Variants in FRY observed in about 807,000 individuals in gnomAD.
FRY encodes the protein protein furry homolog.
In FRY, 128 loss-of-function variants were observed where a neutral mutation model predicts 348.4. The ratio of observed to expected loss-of-function variants is 0.37; its 90% CI spans 0.32 to 0.43. The LOEUF (loss-of-function observed/expected upper bound fraction) is 0.43. Ranked by LOEUF, FRY falls within the 20% of genes least tolerant of loss-of-function variation. FRY has a pLI of 1.00. For synonymous variants in FRY, 1,370 were observed against 1,374.7 expected, an observed-to-expected ratio of 1.00 and a Z score of 0.08; for missense variants, 2,736 against 3,695.2, an observed-to-expected ratio of 0.74 and a Z score of 6.73.
At chr13:32,172,155 G>T (rs1316932187) in intron 18 of FRY, among the ~76,000 whole-genome samples, 1 of 152,064 alleles carries the variant, frequency 6.6e-6, no homozygotes, top group Non-Finnish European at 1.5e-5. Context: ...TGTGGATGTG[G>T]ATATTGATGT....
intron 58 of FRY, among the ~76,000 whole-genome samples, chr13:32,279,751 A>G (rs1265578532): frequency 6.6e-6 from 1 of 152,248 alleles, no homozygotes; most frequent in Non-Finnish European, 1.5e-5. Context: ...AGAATCCAGT[A>G]AAGTCTGGTT....
At chr13:32,049,597 A>G (rs1593559780) in intron 1 of FRY, among the ~76,000 whole-genome samples, 1 of 152,118 alleles carries the variant, frequency 6.6e-6, no homozygotes, top group East Asian at 1.9e-4. Flanking sequence ...ACCACACCCA[A>G]CCCCATAGGT....
rs376949874 is a variant in FRY, at chr13:32,188,354, T to C, written c.3591+698T>C. Among the ~76,000 whole-genome samples, 7 of 152,164 alleles carry C rather than the reference T, an allele frequency of 4.6e-5. 1 individual carries two copies. The East Asian group carries it at 1.2e-3, about 25-fold the overall frequency. On this transcript the variant is annotated intron_variant, in intron 28 of 60. Coordinates refer to ENST00000542859, the MANE Select transcript of FRY (RefSeq NM_023037.3). ...GAAGAAAATTCGTGACTTTTAGAGA[T>C]TTTTTTAAGATGAGGAAACCAAAAG...
In FRY at chr13:32,201,957, A is replaced by C. The variant is rs765096928; in HGVS notation, c.3763A>C (p.Ile1255Leu). 2.0e-5 allele frequency: 32 copies of C among 1,587,886 alleles called. No homozygotes were observed. The African/African-American group carries it at 4.0e-4, about 20-fold the overall frequency. ...TGTTTTTAGGAACTATCCCTTCGAC[A>C]TAGTGACATTGTTAAACCTTGTTCT... is the stretch of plus-strand genomic sequence containing the variant. ...VCGSRNYPFD[I>L]VTLLNLVLFK... is the part of the protein sequence containing the mutation. The change falls in exon 30 of 61, where the codon ATA becomes CTA. Residue 1255 changes from isoleucine (I) to leucine (L), a missense_variant. Physicochemically the swap from Ile to Leu is conservative, Grantham distance 5 (BLOSUM62 2). Transcript: ENST00000542859.
intron 26 of FRY, among the ~76,000 whole-genome samples, chr13:32,185,858 A>T (rs1882995383): frequency 6.6e-6 from 1 of 152,212 alleles, no homozygotes; most frequent in Non-Finnish European, 1.5e-5. Flanking sequence ...CTTCAGTTAA[A>T]GCGAAGTACC....
intron 41 of FRY, 80 bp downstream of exon 41, chr13:32,231,380 C>G (rs1252741589): frequency 6.2e-6 from 9 of 1,449,372 alleles, no homozygotes; most frequent in Non-Finnish European, 8.7e-6. Context: ...GATTACAGCG[C>G]CTTAAAACGG....
intron 49 of FRY, 127 bp downstream of exon 49, chr13:32,249,814 G>C: frequency 1.3e-6 from 1 of 792,556 alleles, no homozygotes; most frequent in Non-Finnish European, 2.2e-6. Flanking sequence ...CACTTCCAGG[G>C]ATGGGGTCTT....
chr13:32,081,180 CAAG>C, intron 2 of FRY, among the ~76,000 whole-genome samples: 1 of 152,088 alleles, frequency 6.6e-6, no homozygotes, highest in Middle Eastern at 3.4e-3. Flanking sequence ...TGTCCCCAAA[CAAG>C]AAAAAAATTT....
rs1880523055 is a variant in FRY at position 32,147,399 on chromosome 13, T to C, written c.1283+14T>C. 2 of 1,443,248 alleles carry C rather than the reference T, an allele frequency of 1.4e-6. No individual in the cohort carries two copies. The highest frequency in any genetic ancestry group is 2.0e-6 in the Non-Finnish European group (2 of 1,024,146). The allele number at this position is 1,443,248 out of a possible 1,614,324, so 89.4% of individuals were successfully genotyped here. A position where few individuals can be genotyped will look rare whatever the true frequency, so the allele number is the denominator to read the frequency against. ...AGCTACTCAGAGGTAAGATTTGGCT[T>C]GTGTCAATGGTAACCATATCACTCA... On this transcript the variant is annotated intron_variant, in intron 12 of 60. Transcript: ENST00000542859.
At chr13:32,256,243 T>C (rs1383673034) in intron 51 of FRY, among the ~76,000 whole-genome samples, 1 of 152,144 alleles carries the variant, frequency 6.6e-6, no homozygotes, top group African/African-American at 2.4e-5. Flanking sequence ...TAAGATTTTA[T>C]AAGAAACTGG....
At chr13:32,123,303 A>G (rs1489189689) in intron 4 of FRY, among the ~76,000 whole-genome samples, 4 of 152,234 alleles carry the variant, frequency 2.6e-5, no homozygotes, top group Non-Finnish European at 2.9e-5. Context: ...CTATAAGGCC[A>G]TAGTCACCAC....
intron 46 of FRY, among the ~76,000 whole-genome samples, chr13:32,241,654 CTAAGTACTTCTG>C (rs1886509677): frequency 6.6e-6 from 1 of 152,160 alleles, no homozygotes; most frequent in Non-Finnish European, 1.5e-5. Context: ...ATTAGCCAAG[CTAAGTACTTCTG>C]TAACAACCAA....
At chr13:32,156,076 C>T (rs934009611) in intron 15 of FRY, among the ~76,000 whole-genome samples, 41 of 152,160 alleles carry the variant, frequency 2.7e-4, no homozygotes, top group African/African-American at 9.7e-4. Flanking sequence ...AATCTCACAA[C>T]ACACATCAGG....
chr13:32,200,324 G>A (rs1883939273), intron 29 of FRY, among the ~76,000 whole-genome samples: 1 of 152,154 alleles, frequency 6.6e-6, no homozygotes, highest in Non-Finnish European at 1.5e-5. Context: ...GATTCCCAAG[G>A]AAAAACAACT....
chr13:32,072,912 G>A (rs915591213), intron 1 of FRY, among the ~76,000 whole-genome samples: 4 of 152,150 alleles, frequency 2.6e-5, no homozygotes, highest in Non-Finnish European at 5.9e-5. Context: ...TTTGTTGAAC[G>A]ATAAGATTAC....
intron 11 of FRY, among the ~76,000 whole-genome samples, chr13:32,144,679 C>G (rs1251605835): frequency 1.3e-5 from 2 of 152,020 alleles, no homozygotes; most frequent in East Asian, 3.9e-4. Context: ...AGACAAGTAA[C>G]ATAAAGGCAA....
chr13:32,107,295 T>G (rs1465908951), intron 3 of FRY, among the ~76,000 whole-genome samples: 1 of 152,212 alleles, frequency 6.6e-6, no homozygotes, highest in Non-Finnish European at 1.5e-5. Flanking sequence ...AGGCAGAGGT[T>G]GCAGTGAGCT....
intron 1 of FRY, among the ~76,000 whole-genome samples, chr13:32,036,696 T>A (rs1165402828): frequency 6.6e-6 from 1 of 151,488 alleles, no homozygotes; most frequent in Non-Finnish European, 1.5e-5. Context: ...CTGTTTATTA[T>A]CTTCACTCTT....
At position 32,179,659 on chromosome 13, in the gene FRY, A is replaced by C; in HGVS notation, c.2872-16A>C. 3 of 1,613,682 alleles carry C rather than the reference A, an allele frequency of 1.9e-6. No individual in the cohort carries two copies. The highest frequency in any genetic ancestry group is 2.5e-6 in the Non-Finnish European group (3 of 1,179,744). ...ACCATGTTACCTCTTTTTCACTTGT[A>C]TTCAACTTATTTCAGGCCATAGGCA... On this transcript the variant is annotated splice_polypyrimidine_tract_variant and intron_variant, in intron 22 of 60. Coordinates refer to ENST00000542859, the MANE Select transcript of FRY (RefSeq NM_023037.3).
Sources: gnomAD v4.1 joint callset for allele counts (sites outside exome capture counted in the v4.1 genomes callset) on GRCh38, gnomAD v4.1.1 for gene constraint, MANE v1.5 for transcripts, NCBI Gene and HGNC (gene_info 2026-07-23, HGNC 2026-07-21) for gene names.